Variants in HDAC8 observed in about 807,000 individuals in gnomAD.
HDAC8 encodes histone deacetylase-like 1.
In HDAC8, 1 loss-of-function variant was observed where a neutral mutation model predicts 32.2. The observed-to-expected ratio is 0.03, with a 90% CI of 0.01 to 0.15. The LOEUF (loss-of-function observed/expected upper bound fraction) is 0.15, where lower values mean the gene tolerates loss of function less well. Among genes scored for constraint, HDAC8 ranks in the 10% least tolerant of loss-of-function variants. The probability of loss-of-function intolerance (pLI) is 1.00; values close to 1 mark genes in which losing one functional copy is unlikely to be tolerated. For synonymous variants in HDAC8, 108 were observed against 113.9 expected, an observed-to-expected ratio of 0.95 and a Z score of 0.33; for missense variants, 117 against 300.0, an observed-to-expected ratio of 0.39 and a Z score of 4.51.
intron 9 of HDAC8, among the ~76,000 whole-genome samples, chrX:72,414,599 T>G (rs782063875): frequency 8.9e-6 from 1 of 112,248 alleles, no homozygotes; most frequent in African/African-American, 3.2e-5. Flanking sequence ...GTGTGAAGAA[T>G]AATGTGTTAA....
chrX:72,532,080 G>GTTTTA (rs1466580903), intron 4 of HDAC8, among the ~76,000 whole-genome samples: 2 of 110,258 alleles, frequency 1.8e-5, no homozygotes, highest in East Asian at 2.9e-4. Flanking sequence ...TATGTTTTTT[G>GTTTTA]TTTTATTTTA....
chrX:72,378,215 T>G (rs1182252913), intron 9 of HDAC8, among the ~76,000 whole-genome samples: 3 of 111,017 alleles, frequency 2.7e-5, no homozygotes, highest in Non-Finnish European at 3.8e-5. Context: ...TGTTGGGAGG[T>G]GGGCCTAGTT....
rs782536318 is a variant in HDAC8, at chrX:72,532,157, C to G, written c.437+35732G>C. 8.1e-5 allele frequency among the ~76,000 whole-genome samples: 9 copies of G among 110,630 alleles called. 1 individual carries two copies. In the South Asian group the frequency reaches 3.5e-3, roughly 43 times the overall value. ...CATGCACTGGCAAAATCATAGCTTA[C>G]TGCTATGGCCTTGAACTCCTGGGCT... On this transcript the variant is annotated intron_variant, in intron 4 of 10. Coordinates refer to ENST00000373573, the MANE Select transcript of HDAC8 (RefSeq NM_018486.3).
At chrX:72,343,140 T>C (rs977303224) in intron 10 of HDAC8, among the ~76,000 whole-genome samples, 4 of 110,870 alleles carry the variant, frequency 3.6e-5, no homozygotes, top group Non-Finnish European at 1.9e-5. Flanking sequence ...TCTTTGATAT[T>C]GCTTGTCTCT....
At chrX:72,496,659 C>T (rs1328118667) in intron 4 of HDAC8, among the ~76,000 whole-genome samples, 1 of 109,714 alleles carries the variant, frequency 9.1e-6, no homozygotes, top group Non-Finnish European at 1.9e-5. Context: ...GTAGATGGGA[C>T]GGAACACTAA....
intron 4 of HDAC8, among the ~76,000 whole-genome samples, chrX:72,567,013 C>G (rs782079477): frequency 8.9e-6 from 1 of 111,741 alleles, no homozygotes; most frequent in Non-Finnish European, 1.9e-5. Flanking sequence ...GGCATGATGG[C>G]GGGTGCCTGT....
intron 4 of HDAC8, among the ~76,000 whole-genome samples, chrX:72,542,144 C>T (rs1422839029): frequency 8.9e-6 from 1 of 112,354 alleles, no homozygotes; most frequent in Non-Finnish European, 1.9e-5. Flanking sequence ...TTTCTTTTCA[C>T]ATCTGCTGTC....
chrX:72,571,226 C>G (rs1392341912), intron 2 of HDAC8, among the ~76,000 whole-genome samples: 4 of 111,905 alleles, frequency 3.6e-5, no homozygotes, highest in African/African-American at 1.3e-4. Context: ...GCCCGGCCTT[C>G]TTTGGTCTTG....
At chrX:72,453,654 T>A (rs1264574923) in intron 9 of HDAC8, among the ~76,000 whole-genome samples, 1 of 111,514 alleles carries the variant, frequency 9.0e-6, no homozygotes, top group African/African-American at 3.3e-5. Context: ...GTGGTTGAAA[T>A]ATTTCCAAAT....
At chrX:72,452,455 TAAAC>T (rs1241638786) in intron 9 of HDAC8, among the ~76,000 whole-genome samples, 2 of 110,826 alleles carry the variant, frequency 1.8e-5, no homozygotes, top group East Asian at 2.8e-4. Flanking sequence ...GACTCCATCT[TAAAC>T]AAACAAACAA....
intron 9 of HDAC8, among the ~76,000 whole-genome samples, chrX:72,366,244 C>T (rs2044694239): frequency 8.9e-6 from 1 of 111,934 alleles, no homozygotes; most frequent in African/African-American, 3.2e-5. Flanking sequence ...CCACTGACTG[C>T]AGGACTGAGT....
chrX:72,398,753 CT>C (rs1273759169), intron 9 of HDAC8, among the ~76,000 whole-genome samples: 1 of 106,471 alleles, frequency 9.4e-6, no homozygotes, highest in Non-Finnish European at 1.9e-5. Context: ...GTTTTTTTTT[CT>C]TTTTTTTCTT....
At chrX:72,415,330 T>C (rs782116509) in intron 9 of HDAC8, among the ~76,000 whole-genome samples, 2 of 112,274 alleles carry the variant, frequency 1.8e-5, no homozygotes, top group Non-Finnish European at 3.8e-5. Flanking sequence ...CAGTTTTGAT[T>C]ACTGTAGCTA....
intron 4 of HDAC8, among the ~76,000 whole-genome samples, chrX:72,561,867 A>C (rs2051573672): frequency 1.8e-5 from 2 of 112,123 alleles, no homozygotes; most frequent in Non-Finnish European, 3.8e-5. Context: ...AAAGTGAGCT[A>C]AGGACATGAA....
chrX:72,350,871 AGGGAAGGAGGCTAGGCC>A (rs1331350964), intron 10 of HDAC8, among the ~76,000 whole-genome samples: 2 of 111,750 alleles, frequency 1.8e-5, no homozygotes, highest in African/African-American at 3.3e-5. Flanking sequence ...GCCTTGGGGA[AGGGAAGGAGGCTAGGCC>A]GGGAAGGAGG....
intron 4 of HDAC8, among the ~76,000 whole-genome samples, chrX:72,560,084 C>G (rs35270299): frequency 4.4e-5 from 5 of 112,560 alleles, no homozygotes; most frequent in Non-Finnish European, 9.4e-5. Flanking sequence ...TCATTGAGAA[C>G]GGGCCATGAT....
At chrX:72,362,640 G>C (rs1457685989) in intron 9 of HDAC8, among the ~76,000 whole-genome samples, 1 of 112,277 alleles carries the variant, frequency 8.9e-6, no homozygotes, top group Non-Finnish European at 1.9e-5. Flanking sequence ...CAGTGTGCTT[G>C]GCTTATTATA....
At chrX:72,369,077 G>A (rs192738015) in intron 9 of HDAC8, among the ~76,000 whole-genome samples, 2 of 111,150 alleles carry the variant, frequency 1.8e-5, no homozygotes, top group Non-Finnish European at 3.8e-5. Context: ...CTCACAGCAC[G>A]AAAACACGAG....
chrX:72,474,034 G>A (rs1555999071), intron 7 of HDAC8: 4 of 623,873 alleles, frequency 6.4e-6, no homozygotes, highest in African/African-American at 2.4e-5. Flanking sequence ...TGTACCCTGT[G>A]TGTAGAACAT....
Sources: gnomAD v4.1 joint callset for allele counts (sites outside exome capture counted in the v4.1 genomes callset) on GRCh38, gnomAD v4.1.1 for gene constraint, MANE v1.5 for transcripts, NCBI Gene and HGNC (gene_info 2026-07-23, HGNC 2026-07-21) for gene names.